Variants in HOOK1 observed in about 807,000 individuals in gnomAD.
HOOK1 encodes protein Hook homolog 1.
Under a neutral mutation model 112.8 loss-of-function variants are expected in HOOK1, and 60 were observed. The ratio of observed to expected loss-of-function variants is 0.53; its 90% CI spans 0.43 to 0.66. The LOEUF is 0.66. HOOK1 is among the 30% of genes least tolerant of loss of function. The pLI is 0.00. For synonymous variants in HOOK1, 294 were observed against 283.8 expected, an observed-to-expected ratio of 1.04 and a Z score of -0.36; for missense variants, 770 against 856.0, an observed-to-expected ratio of 0.90 and a Z score of 1.25.
Position 59,840,407 on chromosome 1 carries a change from CT to C in HOOK1, c.621+17del. The C allele has an allele frequency of 6.6e-7, 1 of 1,508,964 alleles. No individual in the cohort carries two copies. The highest frequency in any genetic ancestry group is 8.9e-7 in the Non-Finnish European group (1 of 1,126,498). The allele number at this position is 1,508,964 out of a possible 1,614,324, so 93.5% of individuals were successfully genotyped here. A position where few individuals can be genotyped will look rare whatever the true frequency, so the allele number is the denominator to read the frequency against. On this transcript the variant is annotated intron_variant, in intron 8 of 21. Coordinates refer to ENST00000371208, the MANE Select transcript of HOOK1 (RefSeq NM_015888.6). ...GGATATGCAGGTACGGGAAAAAACC[CT>C]GAGCTGAGAAAAACTTCCTCTTTAA...
intron 13 of HOOK1, 139 bp from the exon 14 acceptor site, chr1:59,858,846 A>C: frequency 2.7e-6 from 1 of 373,164 alleles, no homozygotes; most frequent in Non-Finnish European, 4.9e-6. Context: ...AGGGGAGGGG[A>C]GCGGGGAATT....
intron 20 of HOOK1, among the ~76,000 whole-genome samples, chr1:59,868,640 T>C (rs1351162694): frequency 6.6e-6 from 1 of 152,232 alleles, no homozygotes; most frequent in Non-Finnish European, 1.5e-5. Flanking sequence ...ATAATGTTTC[T>C]TTTAAAATTA....
intron 3 of HOOK1, among the ~76,000 whole-genome samples, chr1:59,831,510 T>A (rs1178045603): frequency 6.6e-6 from 1 of 152,212 alleles, no homozygotes; most frequent in Non-Finnish European, 1.5e-5. Flanking sequence ...AAACTGGTAT[T>A]TAGCCAAAGA....
chr1:59,835,228 T>C, intron 5 of HOOK1, 117 bp from the exon 6 acceptor site: 1 of 672,882 alleles, frequency 1.5e-6, no homozygotes, highest in South Asian at 1.7e-5. Flanking sequence ...ACAAATAATG[T>C]ATTTACATAA....
chr1:59,871,012 A>AT, intron 20 of HOOK1, 30 bp from the exon 21 acceptor site: 1 of 1,439,270 alleles, frequency 6.9e-7, no homozygotes, highest in Non-Finnish European at 9.8e-7. Context: ...AATTTCTGGG[A>AT]TTTTAATTGT....
chr1:59,835,221 A>T (rs1163297684), intron 5 of HOOK1, 124 bp from the exon 6 acceptor site: 1 of 658,064 alleles, frequency 1.5e-6, no homozygotes, highest in Non-Finnish European at 2.7e-6. Context: ...CTGGTGGACA[A>T]ATAATGTATT....
chr1:59,861,632 A>T (rs1355783517), intron 15 of HOOK1, among the ~76,000 whole-genome samples: 1 of 152,194 alleles, frequency 6.6e-6, no homozygotes, highest in African/African-American at 2.4e-5. Context: ...GGATACAGAG[A>T]AGTTAAATAA....
intron 2 of HOOK1, among the ~76,000 whole-genome samples, chr1:59,824,486 G>A (rs1359953461): frequency 2.0e-5 from 3 of 152,236 alleles, no homozygotes; most frequent in African/African-American, 4.8e-5. Context: ...GATTACAGGC[G>A]TGAGCCACCG....
intron 21 of HOOK1, 63 bp downstream of exon 21, chr1:59,871,173 A>G (rs1644050285): frequency 9.7e-7 from 1 of 1,026,532 alleles, no homozygotes; most frequent in Admixed American, 1.9e-5. Context: ...TTTTTTGACC[A>G]AGTACAACAT....
At chr1:59,816,222 A>T (rs775761094) in intron 1 of HOOK1, among the ~76,000 whole-genome samples, 2 of 152,228 alleles carry the variant, frequency 1.3e-5, no homozygotes, top group Non-Finnish European at 2.9e-5. Context: ...ATCTAGGTTT[A>T]TGGAAATGTG....
intron 12 of HOOK1, among the ~76,000 whole-genome samples, chr1:59,850,426 T>C (rs1319377006): frequency 1.3e-5 from 2 of 151,436 alleles, no homozygotes; most frequent in Non-Finnish European, 3.0e-5. Context: ...TTTGGTGATG[T>C]TTCTAAAAAA....
chr1:59,871,215 C>G (rs1644050662), intron 21 of HOOK1, 105 bp downstream of exon 21: 4 of 680,976 alleles, frequency 5.9e-6, no homozygotes, highest in Non-Finnish European at 1.0e-5. Flanking sequence ...TACCATAAAC[C>G]AAGACATAGC....
chr1:59,865,833 TTAA>T, intron 18 of HOOK1, 36 bp from the exon 19 acceptor site: 1 of 978,914 alleles, frequency 1.0e-6, no homozygotes. Context: ...GTAGTAAATA[TTAA>T]TAACTGATTA....
chr1:59,822,161 T>C (rs1242005187), intron 2 of HOOK1, among the ~76,000 whole-genome samples: 1 of 152,166 alleles, frequency 6.6e-6, no homozygotes. Flanking sequence ...ACTGGATATG[T>C]GATCAGGATT....
rs1644122330 is a variant in HOOK1 at position 59,876,007 on chromosome 1, GTC to G, written c.*3044_*3045del. 1 of 152,652 alleles carries G rather than the reference GTC, an allele frequency of 6.6e-6. No homozygotes were observed. Among genetic ancestry groups the G allele is most frequent in the Non-Finnish European group, 1.5e-5 (1 of 68,046 alleles). The allele number at this position is 152,652 out of a possible 1,614,324, so 9.5% of individuals were successfully genotyped here. On this transcript the variant is annotated 3_prime_UTR_variant, in exon 22 of 22. Coordinates refer to ENST00000371208, the MANE Select transcript of HOOK1 (RefSeq NM_015888.6). ...GGGATGGCCTTTAGGCCACAGTAGT[GTC>G]TGTGTTAAGTTCACTAAATGTGTAT...
In HOOK1 at chr1:59,847,215, G is replaced by A. The variant is rs781513821; in HGVS notation, c.929+30G>A. The A allele has an allele frequency of 3.2e-6, 5 of 1,556,812 alleles. No individual in the cohort carries two copies. In the East Asian group the frequency reaches 1.1e-4, roughly 35 times the overall value. On this transcript the variant is annotated intron_variant, in intron 10 of 21. Coordinates refer to ENST00000371208, the MANE Select transcript of HOOK1 (RefSeq NM_015888.6). The stretch of plus-strand genomic sequence containing the variant: ...GGCATGTCTTAAAAAATATAATTAT[G>A]CCATTTCTGAGCTATTTAGTCAATT...
In HOOK1 at chr1:59,874,215, A is replaced by G. The variant is rs964182178; in HGVS notation, c.*1250A>G. The stretch of plus-strand genomic sequence containing the variant: ...GCCACATGTGGCTAGTGGGTACCAT[A>G]TTGGACAGGGCAGCTATAGAATATT... On this transcript the variant is annotated 3_prime_UTR_variant, in exon 22 of 22. Transcript: ENST00000371208. The G allele has an allele frequency of 6.6e-6, 1 of 152,128 alleles. No individual in the cohort carries two copies. The highest frequency in any genetic ancestry group is 1.5e-5 in the Non-Finnish European group (1 of 67,984). 9.4% of individuals were successfully genotyped at this position (152,128 alleles called of 1,614,324 possible).
At chr1:59,856,890 G>A (rs974238657) in intron 12 of HOOK1, among the ~76,000 whole-genome samples, 3 of 152,110 alleles carry the variant, frequency 2.0e-5, no homozygotes, top group African/African-American at 7.2e-5. Flanking sequence ...GCCCTCTCAT[G>A]TCTTTTCTGG....
At chr1:59,835,951 G>A (rs984118486) in intron 6 of HOOK1, among the ~76,000 whole-genome samples, 7 of 152,124 alleles carry the variant, frequency 4.6e-5, no homozygotes, top group Non-Finnish European at 1.0e-4. Flanking sequence ...TCCATGGCCT[G>A]GGGGTTGGGG....
Sources: allele counts gnomAD v4.1 joint callset (sites outside exome capture counted in the v4.1 genomes callset), GRCh38; gene constraint gnomAD v4.1.1; transcripts MANE v1.5; gene names NCBI Gene and HGNC (gene_info 2026-07-23, HGNC 2026-07-21).